Variants in SAMD3 observed in about 807,000 individuals in gnomAD.
SAMD3 encodes the protein sterile alpha motif domain-containing protein 3.
In SAMD3, 63 loss-of-function variants were observed where a neutral mutation model predicts 58.5. The observed-to-expected ratio is 1.08, with a 90% confidence interval of 0.88 to 1.33. The LOEUF is 1.33. SAMD3 is among the 40% of genes most tolerant of loss of function. SAMD3 has a pLI of 0.00. For synonymous variants in SAMD3, 220 were observed against 210.3 expected, an observed-to-expected ratio of 1.05 and a Z score of -0.40; for missense variants, 604 against 608.4, an observed-to-expected ratio of 0.99 and a Z score of 0.08.
chr6:130,299,716 A>G (rs1470362440), intron 2 of SAMD3, among the ~76,000 whole-genome samples: 1 of 152,182 alleles, frequency 6.6e-6, no homozygotes, highest in Non-Finnish European at 1.5e-5. Flanking sequence ...ATTGTCCTAG[A>G]TTAACCAAGA....
At chr6:130,251,482 G>GT (rs904033219) in intron 2 of SAMD3, among the ~76,000 whole-genome samples, 2 of 139,592 alleles carry the variant, frequency 1.4e-5, no homozygotes, top group African/African-American at 2.7e-5. Context: ...TTTTTCGTCT[G>GT]TTTTTTTCTA....
chr6:130,183,269 G>A (rs111748377), intron 7 of SAMD3: 11,685 of 420,048 alleles, frequency 0.028, 228 homozygotes, highest in Non-Finnish European at 0.035. Flanking sequence ...CCCAGGAGGC[G>A]GAGGTTGCAG....
intron 1 of SAMD3, among the ~76,000 whole-genome samples, chr6:130,344,013 A>G (rs892718335): frequency 2.0e-5 from 3 of 151,572 alleles, no homozygotes; most frequent in South Asian, 4.2e-4. Flanking sequence ...TTACCTCAAT[A>G]ACCCCCATAA....
chr6:130,184,137 G>A lies in SAMD3; in HGVS notation c.620C>T (p.Ala207Val), dbSNP rs756951992. The A allele has an allele frequency of 6.2e-7, 1 of 1,614,060 alleles. No individual in the cohort carries two copies. The highest frequency in any genetic ancestry group is 1.1e-5 in the South Asian group (1 of 91,062). Residue 207 changes from alanine (A) to valine (V), a missense_variant, in exon 7 of 12, where the codon GCC becomes GTC. Physicochemically the swap from Ala to Val is moderately conservative, Grantham distance 64. Coordinates refer to ENST00000439090, the MANE Select transcript of SAMD3 (RefSeq NM_001017373.4). ...GCCATCCTCATCCAGGAAAGGGTGG[G>A]CCTGCAGCAGGGCATTAACCACGTC... ...YNDVVNALLQAHPFLDEDGCG... is the reference protein window; with the variant it reads ...YNDVVNALLQVHPFLDEDGCG...
At chr6:130,239,129 T>G (rs6930501) in intron 2 of SAMD3, among the ~76,000 whole-genome samples, 20,807 of 151,808 alleles carry the variant, frequency 0.14, 1,701 homozygotes, top group East Asian at 0.36. Flanking sequence ...TGAGAGAGAG[T>G]CATCAAACAA....
At chr6:130,268,057 A>C (rs1221613896) in intron 2 of SAMD3, among the ~76,000 whole-genome samples, 1 of 152,184 alleles carries the variant, frequency 6.6e-6, no homozygotes, top group Non-Finnish European at 1.5e-5. Context: ...TTCATAGCAC[A>C]ATGCATAACT....
chr6:130,184,755 T>C (rs1223004744), intron 5 of SAMD3, 132 bp from the exon 6 acceptor site: 5 of 652,414 alleles, frequency 7.7e-6, no homozygotes, highest in Non-Finnish European at 1.3e-5. Flanking sequence ...CATCAAGCCA[T>C]CTTCCATCCA....
chr6:130,155,142 C>T, intron 8 of SAMD3, 117 bp from the exon 9 acceptor site: 1 of 685,502 alleles, frequency 1.5e-6, no homozygotes, highest in Non-Finnish European at 2.5e-6. Context: ...TACCTGGTTA[C>T]ACTTGACATT....
intron 7 of SAMD3, 64 bp downstream of exon 7, chr6:130,184,039 C>T (rs1291336966): frequency 3.9e-6 from 5 of 1,278,058 alleles, no homozygotes; most frequent in Non-Finnish European, 5.7e-6. Context: ...AATTACTGGG[C>T]AACACAAGGC....
chr6:130,163,363 C>T (rs1484141184), intron 8 of SAMD3, among the ~76,000 whole-genome samples: 1 of 152,182 alleles, frequency 6.6e-6, no homozygotes, highest in Non-Finnish European at 1.5e-5. Flanking sequence ...GGTGTTTCCT[C>T]ATACCAAATC....
chr6:130,325,975 C>G (rs1377400239), intron 1 of SAMD3, among the ~76,000 whole-genome samples: 1 of 152,224 alleles, frequency 6.6e-6, no homozygotes, highest in Non-Finnish European at 1.5e-5. Context: ...GTCTCCCTTA[C>G]ATGACTGCAT....
chr6:130,346,910 T>A (rs1484621314), intron 1 of SAMD3, among the ~76,000 whole-genome samples: 20 of 152,164 alleles, frequency 1.3e-4, no homozygotes, highest in Admixed American at 1.3e-3. Flanking sequence ...GGCAGCAACA[T>A]TTGCTGTTCA....
At chr6:130,284,590 T>C (rs1273565819) in intron 2 of SAMD3, among the ~76,000 whole-genome samples, 1 of 152,112 alleles carries the variant, frequency 6.6e-6, no homozygotes, top group Non-Finnish European at 1.5e-5. Flanking sequence ...AGGCCATAAA[T>C]TGGGTGGTAA....
chr6:130,173,408 T>C (rs1350672911), intron 8 of SAMD3, among the ~76,000 whole-genome samples: 1 of 152,238 alleles, frequency 6.6e-6, no homozygotes, highest in Non-Finnish European at 1.5e-5. Flanking sequence ...TTGCTTTTTG[T>C]TTGTTAGTTT....
chr6:130,244,271 A>C (rs576924880), intron 2 of SAMD3, among the ~76,000 whole-genome samples: 2 of 152,204 alleles, frequency 1.3e-5, no homozygotes, highest in Non-Finnish European at 2.9e-5. Context: ...AAAGCCTGTA[A>C]ATGATTGAGA....
intron 2 of SAMD3, among the ~76,000 whole-genome samples, chr6:130,242,318 G>A (rs1477449132): frequency 6.6e-6 from 1 of 152,180 alleles, no homozygotes; most frequent in Non-Finnish European, 1.5e-5. Context: ...TAGATAATAT[G>A]TCAATAAGTG....
chr6:130,217,096 C>T (rs1278942767), intron 1 of SAMD3, among the ~76,000 whole-genome samples: 1 of 152,068 alleles, frequency 6.6e-6, no homozygotes, highest in Non-Finnish European at 1.5e-5. Context: ...AAAAACAAAA[C>T]AGGTTAAATT....
In SAMD3 at chr6:130,181,847, T is replaced by TA. The variant is rs566593657; in HGVS notation, c.654+2255dup. Among the ~76,000 whole-genome samples, 346 of 148,494 alleles carry TA rather than the reference T, an allele frequency of 2.3e-3. 2 individuals carry two copies. Among genetic ancestry groups the TA allele is most frequent in the Middle Eastern group, 3.5e-3 (1 of 286 alleles). ...TTTATTCAAACAGTAAATGTAAATT[T>TA]AAAAAAAAAACACAAGTTCTATCCT... On this transcript the variant is annotated intron_variant, in intron 7 of 11. Coordinates refer to ENST00000439090, the MANE Select transcript of SAMD3 (RefSeq NM_001017373.4).
intron 1 of SAMD3, among the ~76,000 whole-genome samples, chr6:130,330,584 C>T (rs1304386873): frequency 1.3e-5 from 2 of 152,124 alleles, no homozygotes; most frequent in South Asian, 2.1e-4. Flanking sequence ...GTTTGAGGAA[C>T]ATTTTAATAT....
Sources: gnomAD v4.1 joint callset for allele counts (sites outside exome capture counted in the v4.1 genomes callset) on GRCh38, gnomAD v4.1.1 for gene constraint, MANE v1.5 for transcripts, NCBI Gene and HGNC (gene_info 2026-07-23, HGNC 2026-07-21) for gene names.